Variants in PCCA observed in about 807,000 individuals in gnomAD.
PCCA encodes propionyl-CoA carboxylase subunit alpha.
In PCCA, 74 loss-of-function variants were observed where a neutral mutation model predicts 101.3. The observed-to-expected ratio is 0.73, with a 90% CI of 0.61 to 0.89. The LOEUF (loss-of-function observed/expected upper bound fraction) is 0.89, where lower values mean the gene tolerates loss of function less well. PCCA is among the 40% of genes least tolerant of loss of function. The probability of loss-of-function intolerance (pLI) is 0.00; values close to 1 mark genes in which losing one functional copy is unlikely to be tolerated. For missense variants in PCCA, 891 were observed against 907.0 expected (o/e 0.98, Z 0.23); for synonymous variants, 294 against 313.6 (o/e 0.94, Z 0.66).
rs145202517 is a variant in PCCA at position 100,267,970 on chromosome 13, G to T, written c.820-719G>T. Among the ~76,000 whole-genome samples the T allele has an allele frequency of 4.6e-5, 7 of 152,258 alleles. No homozygotes were observed. In the East Asian group the frequency reaches 1.4e-3, roughly 29 times the overall value. On this transcript the variant is annotated intron_variant, in intron 10 of 23. Coordinates refer to ENST00000376285, the MANE Select transcript of PCCA (RefSeq NM_000282.4). ...TTAACTGAAATGCTTGGGACCAGAA[G>T]TGTTTCAGATTTCAGATTTTTTTGG...
At chr13:100,409,284 T>C (rs1174112635) in intron 19 of PCCA, among the ~76,000 whole-genome samples, 1 of 152,206 alleles carries the variant, frequency 6.6e-6, no homozygotes, top group Non-Finnish European at 1.5e-5. Context: ...CCCATTTCAC[T>C]CACTGCTTCT....
intron 22 of PCCA, among the ~76,000 whole-genome samples, chr13:100,524,511 A>T (rs374324550): frequency 9.5e-4 from 145 of 152,172 alleles, no homozygotes; most frequent in African/African-American, 3.3e-3. Context: ...GAATTAGGGA[A>T]AACGGTCTAC....
chr13:100,516,385 T>C (rs1410288023), intron 22 of PCCA, among the ~76,000 whole-genome samples: 1 of 152,212 alleles, frequency 6.6e-6, no homozygotes, highest in Non-Finnish European at 1.5e-5. Context: ...GATTTCTCAA[T>C]AGTACAGATA....
chr13:100,342,025 A>T (rs2071446333), intron 18 of PCCA, among the ~76,000 whole-genome samples: 1 of 147,150 alleles, frequency 6.8e-6, no homozygotes, highest in South Asian at 2.1e-4. Flanking sequence ...ATATACATAC[A>T]TGTAGCATTT....
At chr13:100,218,097 T>A (rs572046688) in intron 7 of PCCA, among the ~76,000 whole-genome samples, 1 of 151,482 alleles carries the variant, frequency 6.6e-6, no homozygotes, top group Non-Finnish European at 1.5e-5. Flanking sequence ...AATCCATTCA[T>A]TAGTTGAAAG....
chr13:100,338,533 T>G lies in PCCA; in HGVS notation c.1541-1624T>G, dbSNP rs147097302. On this transcript the variant is annotated intron_variant, in intron 17 of 23. Transcript: ENST00000376285. ...TGTTGGCAGGTCATGCTATGAGAACTGTTCTTCTCAACTGTATGTTTTGAC... is the reference window on the plus strand; with the variant it reads ...TGTTGGCAGGTCATGCTATGAGAACGGTTCTTCTCAACTGTATGTTTTGAC... Among the ~76,000 whole-genome samples, 911 of 152,202 alleles carry G rather than the reference T, an allele frequency of 6.0e-3. 10 individuals are homozygous for G. The highest frequency in any genetic ancestry group is 0.02 in the African/African-American group (847 of 41,512).
At chr13:100,308,132 CGTGAGCCACAATGGCCGGCCA>C (rs2066612971) in intron 15 of PCCA, among the ~76,000 whole-genome samples, 1 of 152,088 alleles carries the variant, frequency 6.6e-6, no homozygotes, top group African/African-American at 2.4e-5. Flanking sequence ...GGATTACAGG[CGTGAGCCACAATGGCCGGCCA>C]GATTGTGGAT....
At chr13:100,344,588 G>A (rs2071905650) in intron 18 of PCCA, among the ~76,000 whole-genome samples, 1 of 152,150 alleles carries the variant, frequency 6.6e-6, no homozygotes, top group African/African-American at 2.4e-5. Context: ...CTTAATGTGT[G>A]CTCCATAGAG....
intron 2 of PCCA, among the ~76,000 whole-genome samples, chr13:100,108,285 A>G (rs543754778): frequency 2.7e-4 from 41 of 152,308 alleles, no homozygotes; most frequent in African/African-American, 8.4e-4. Context: ...GCTACTGCCA[A>G]AGTTCTTCAT....
intron 12 of PCCA, among the ~76,000 whole-genome samples, chr13:100,291,733 T>A (rs1489903409): frequency 6.6e-6 from 1 of 152,178 alleles, no homozygotes; most frequent in African/African-American, 2.4e-5. Context: ...CTCCTAGCAT[T>A]CTCATCTCAA....
At chr13:100,259,745 A>G (rs969349456) in intron 9 of PCCA, among the ~76,000 whole-genome samples, 33 of 152,208 alleles carry the variant, frequency 2.2e-4, no homozygotes, top group African/African-American at 8.0e-4. Flanking sequence ...AATGAAGCGT[A>G]TGGCATGATT....
chr13:100,127,421 GTTTAT>G (rs1397710611), intron 4 of PCCA, among the ~76,000 whole-genome samples: 1 of 152,000 alleles, frequency 6.6e-6, no homozygotes, highest in African/African-American at 2.4e-5. Flanking sequence ...TTTTGGTTTT[GTTTAT>G]TTTATAATTT....
chr13:100,229,853 T>G (rs944078590), intron 7 of PCCA, among the ~76,000 whole-genome samples: 1 of 152,212 alleles, frequency 6.6e-6, no homozygotes, highest in African/African-American at 2.4e-5. Context: ...GTTCCAGTGC[T>G]GTTTCTTTAC....
chr13:100,165,097 A>T (rs1449167227), intron 6 of PCCA, among the ~76,000 whole-genome samples: 1 of 152,106 alleles, frequency 6.6e-6, no homozygotes, highest in Non-Finnish European at 1.5e-5. Context: ...GGCTGTTTGT[A>T]CCTTTTGGCT....
chr13:100,134,709 T>C (rs2050940889), intron 4 of PCCA, among the ~76,000 whole-genome samples: 1 of 152,060 alleles, frequency 6.6e-6, no homozygotes, highest in Non-Finnish European at 1.5e-5. Context: ...TGTGCCACCA[T>C]GCCCAGCTAG....
At chr13:100,115,868 T>A (rs552002649) in intron 4 of PCCA, among the ~76,000 whole-genome samples, 1 of 152,336 alleles carries the variant, frequency 6.6e-6, no homozygotes, top group African/African-American at 2.4e-5. Context: ...TAATAAAATT[T>A]ACCAGACCCC....
intron 12 of PCCA, among the ~76,000 whole-genome samples, chr13:100,274,193 A>T (rs1364803877): frequency 6.6e-6 from 1 of 152,140 alleles, no homozygotes; most frequent in Non-Finnish European, 1.5e-5. Flanking sequence ...CTTCCTTTGA[A>T]TTACGCATAC....
intron 4 of PCCA, among the ~76,000 whole-genome samples, chr13:100,123,630 A>G (rs1348038173): frequency 7.4e-6 from 1 of 134,304 alleles, no homozygotes; most frequent in Non-Finnish European, 1.6e-5. Context: ...ATAACAACAT[A>G]ATGGGGGGGG....
At chr13:100,323,670 A>T (rs547498525) in intron 16 of PCCA, among the ~76,000 whole-genome samples, 2 of 152,292 alleles carry the variant, frequency 1.3e-5, no homozygotes, top group Non-Finnish European at 2.9e-5. Context: ...GTCAGTGCTG[A>T]AGCTTAGGAT....
Sources: gnomAD v4.1 joint callset for allele counts (sites outside exome capture counted in the v4.1 genomes callset) on GRCh38, gnomAD v4.1.1 for gene constraint, MANE v1.5 for transcripts, NCBI Gene and HGNC (gene_info 2026-07-23, HGNC 2026-07-21) for gene names.